The following LRMDA variants were observed in gnomAD, a reference collection of about 807,000 sequenced individuals.
The protein encoded by LRMDA is leucine rich melanocyte differentiation associated.
In LRMDA, 18 loss-of-function variants were observed where a neutral mutation model predicts 29.8. That is an observed-to-expected ratio of 0.60 (90% CI 0.42 to 0.90). LRMDA has a LOEUF of 0.90. LRMDA is among the 40% of genes least tolerant of loss of function. LRMDA has a pLI of 0.00. For synonymous variants in LRMDA, 125 were observed against 109.4 expected, an observed-to-expected ratio of 1.14 and a Z score of -0.89; for missense variants, 273 against 273.9, an observed-to-expected ratio of 1.00 and a Z score of 0.02.
At chr10:75,502,700 C>T (rs186259472) in intron 2 of LRMDA, among the ~76,000 whole-genome samples, 156 of 152,282 alleles carry the variant, frequency 1.0e-3, no homozygotes, top group Non-Finnish European at 1.9e-3. Flanking sequence ...TCAGAGGCCT[C>T]CTGAGGCACT....
intron 5 of LRMDA, among the ~76,000 whole-genome samples, chr10:76,260,455 G>A (rs1285081939): frequency 6.6e-6 from 1 of 152,066 alleles, no homozygotes; most frequent in East Asian, 1.9e-4. Context: ...GCTTTGCTAG[G>A]TATAATATTC....
intron 2 of LRMDA, among the ~76,000 whole-genome samples, chr10:75,553,488 G>A (rs1326907533): frequency 6.6e-6 from 1 of 152,142 alleles, no homozygotes; most frequent in Non-Finnish European, 1.5e-5. Flanking sequence ...TTGTGGTGTG[G>A]TGGAGGATCT....
chr10:76,081,861 T>C (rs1589318348), intron 5 of LRMDA, among the ~76,000 whole-genome samples: 1 of 152,362 alleles, frequency 6.6e-6, no homozygotes, highest in East Asian at 1.9e-4. Context: ...GTAATACATA[T>C]ATTAAACACT....
intron 2 of LRMDA, among the ~76,000 whole-genome samples, chr10:75,920,400 C>T (rs1219462952): frequency 6.6e-6 from 1 of 152,172 alleles, no homozygotes; most frequent in Non-Finnish European, 1.5e-5. Flanking sequence ...GGAGAACCTG[C>T]TTGTTCAGAA....
intron 5 of LRMDA, among the ~76,000 whole-genome samples, chr10:76,141,943 T>G (rs1174299915): frequency 1.3e-5 from 2 of 152,254 alleles, no homozygotes; most frequent in African/African-American, 4.8e-5. Context: ...ATATCCTGTT[T>G]GAATCGTGGA....
At chr10:76,483,506 G>A (rs1842752583) in intron 6 of LRMDA, among the ~76,000 whole-genome samples, 2 of 151,830 alleles carry the variant, frequency 1.3e-5, no homozygotes, top group Admixed American at 6.6e-5. Context: ...AGCTTCTCAC[G>A]GATTGCCTAA....
chr10:76,263,286 A>G lies in LRMDA; in HGVS notation c.517-61115A>G, dbSNP rs181286063. On this transcript the variant is annotated intron_variant, in intron 5 of 6. Coordinates refer to ENST00000611255, the MANE Select transcript of LRMDA (RefSeq NM_001305581.2). ...TTCTAACAAACTTTTTTTTTTAAAA[A>G]AAGATCATCTGTTTATCTCATTCTC... Among the ~76,000 whole-genome samples the G allele has an allele frequency of 5.1e-3, 770 of 152,256 alleles. 4 individuals are homozygous for G. The highest frequency in any genetic ancestry group is 0.017 in the South Asian group (80 of 4,822).
At chr10:76,409,479 C>T (rs1034926732) in intron 6 of LRMDA, among the ~76,000 whole-genome samples, 1 of 152,008 alleles carries the variant, frequency 6.6e-6, no homozygotes, top group Non-Finnish European at 1.5e-5. Flanking sequence ...AAAATTTAGA[C>T]AATTAGTAAT....
chr10:75,913,953 T>C (rs1367283961), intron 2 of LRMDA, among the ~76,000 whole-genome samples: 1 of 152,248 alleles, frequency 6.6e-6, no homozygotes, highest in Non-Finnish European at 1.5e-5. Context: ...TGAAAGCTTC[T>C]CTGCCTGCTG....
chr10:75,702,288 C>T (rs1327929064), intron 2 of LRMDA, among the ~76,000 whole-genome samples: 4 of 152,188 alleles, frequency 2.6e-5, no homozygotes, highest in African/African-American at 9.7e-5. Context: ...ATTACCTGGG[C>T]ACATGATAAG....
chr10:75,494,078 TTCTC>T (rs1299767759), intron 2 of LRMDA, among the ~76,000 whole-genome samples: 2 of 152,164 alleles, frequency 1.3e-5, no homozygotes, highest in African/African-American at 4.8e-5. Flanking sequence ...AAAGCATCAA[TTCTC>T]TCTCTAAATT....
At position 76,499,284 on chromosome 10, in the gene LRMDA, A is replaced by G. The variant is rs1842895934; in HGVS notation, c.602-57925A>G. Among the ~76,000 whole-genome samples, 2 of 74,204 alleles carry G rather than the reference A, an allele frequency of 2.7e-5. 1 individual carries two copies. Among genetic ancestry groups the G allele is most frequent in the Non-Finnish European group, 8.9e-5 (2 of 22,374 alleles). The allele number at this position is 74,204 out of a possible 152,430, so 48.7% of individuals were successfully genotyped here. The stretch of plus-strand genomic sequence containing the variant: ...GAGCCCCCAACCCCTGTCAAGTACT[A>G]ATCTACTTTCTCTATATATGTATTT... On this transcript the variant is annotated intron_variant, in intron 6 of 6. Coordinates refer to ENST00000611255, the MANE Select transcript of LRMDA (RefSeq NM_001305581.2).
Position 75,919,060 on chromosome 10 carries a change from C to T in LRMDA, c.132-116948C>T, listed in dbSNP as rs918131230. Among the ~76,000 whole-genome samples, 26 of 152,224 alleles carry T rather than the reference C, an allele frequency of 1.7e-4. 1 individual carries two copies. Among genetic ancestry groups the T allele is most frequent in the South Asian group, 8.3e-4 (4 of 4,818 alleles). The stretch of plus-strand genomic sequence containing the variant: ...TAAATCATTGGATCCTCACAAGGGC[C>T]GTAGGAAGTAGGTGCCGTTATTAAT... On this transcript the variant is annotated intron_variant, in intron 2 of 6. Transcript: ENST00000611255.
chr10:76,336,661 A>T (rs995995530), intron 6 of LRMDA, among the ~76,000 whole-genome samples: 2 of 151,664 alleles, frequency 1.3e-5, no homozygotes, highest in African/African-American at 4.9e-5. Context: ...TGCTTCCCCA[A>T]CTCTATTCCC....
chr10:75,500,311 G>A (rs1158634638), intron 2 of LRMDA, among the ~76,000 whole-genome samples: 3 of 152,068 alleles, frequency 2.0e-5, no homozygotes, highest in South Asian at 4.1e-4. Context: ...GCCTACCTTC[G>A]CTAAGTGCTT....
chr10:76,462,568 T>G (rs935583646), intron 6 of LRMDA, among the ~76,000 whole-genome samples: 6 of 152,220 alleles, frequency 3.9e-5, no homozygotes, highest in Non-Finnish European at 8.8e-5. Context: ...CAGCTTCCAA[T>G]TCCCATTATG....
intron 2 of LRMDA, among the ~76,000 whole-genome samples, chr10:75,582,533 G>T (rs1840607638): frequency 1.3e-5 from 2 of 152,200 alleles, no homozygotes; most frequent in Admixed American, 1.3e-4. Flanking sequence ...GTAGCAGGGG[G>T]CCTTGGGCAT....
At chr10:76,452,220 G>T (rs1447422249) in intron 6 of LRMDA, among the ~76,000 whole-genome samples, 1 of 152,112 alleles carries the variant, frequency 6.6e-6, no homozygotes, top group Non-Finnish European at 1.5e-5. Flanking sequence ...AAGTGTGAGG[G>T]AGCATTCAAT....
At chr10:75,735,265 C>A (rs989067832) in intron 2 of LRMDA, among the ~76,000 whole-genome samples, 1 of 152,276 alleles carries the variant, frequency 6.6e-6, no homozygotes, top group African/African-American at 2.4e-5. Context: ...TGGCATTAAT[C>A]TACCAATGTT....
Sources: allele counts gnomAD v4.1 joint callset (sites outside exome capture counted in the v4.1 genomes callset), GRCh38; gene constraint gnomAD v4.1.1; transcripts MANE v1.5; gene names NCBI Gene and HGNC (gene_info 2026-07-23, HGNC 2026-07-21).